STXBP5L: variants seen among roughly 807,000 people sequenced by gnomAD.
STXBP5L encodes the protein syntaxin binding protein 5L.
In STXBP5L, 65 loss-of-function variants were observed where a neutral mutation model predicts 144.5. The ratio of observed to expected loss-of-function variants is 0.45; its 90% CI spans 0.37 to 0.55. The LOEUF (loss-of-function observed/expected upper bound fraction) is 0.55, where lower values mean the gene tolerates loss of function less well. Among genes scored for constraint, STXBP5L ranks in the 20% least tolerant of loss-of-function variants. The probability of loss-of-function intolerance (pLI) is 0.00; values close to 1 mark genes in which losing one functional copy is unlikely to be tolerated. For synonymous variants in STXBP5L, 505 were observed against 469.6 expected, an observed-to-expected ratio of 1.08 and a Z score of -0.97; for missense variants, 1,298 against 1,405.5, an observed-to-expected ratio of 0.92 and a Z score of 1.22.
intron 9 of STXBP5L, among the ~76,000 whole-genome samples, chr3:121,177,250 A>G (rs1219613349): frequency 1.3e-5 from 2 of 152,128 alleles, no homozygotes; most frequent in African/African-American, 4.8e-5. Flanking sequence ...GATAGGCTTA[A>G]TTCACCTACT....
At chr3:121,174,243 T>G (rs2046844012) in intron 9 of STXBP5L, among the ~76,000 whole-genome samples, 1 of 152,178 alleles carries the variant, frequency 6.6e-6, no homozygotes, top group African/African-American at 2.4e-5. Context: ...TTTGTGTATA[T>G]AAGTTTTAAT....
At chr3:120,935,063 C>T (rs1710188947) in intron 2 of STXBP5L, among the ~76,000 whole-genome samples, 1 of 151,308 alleles carries the variant, frequency 6.6e-6, no homozygotes, top group Non-Finnish European at 1.5e-5. Flanking sequence ...TGGCTTTGTT[C>T]TTTCTGGTTT....
Position 121,353,044 on chromosome 3 carries a change from G to A in STXBP5L, c.2177-25672G>A, listed in dbSNP as rs187627094. ...CCAGGGAGGAAGCCAGCCTGATCGT[G>A]TTGGATAAGCTTTTTGATGTGGTGC... On this transcript the variant is annotated intron_variant, in intron 20 of 26. Transcript: ENST00000471454. 2.0e-5 allele frequency among the ~76,000 whole-genome samples: 3 copies of A among 152,282 alleles called. No homozygotes were observed. The East Asian group carries it at 5.8e-4, about 29-fold the overall frequency.
rs758565607 is a variant in STXBP5L at position 121,378,722 on chromosome 3, T to A, written c.2183T>A (p.Val728Glu). Reference protein sequence around the residue: ...ERCKSPTSDHVNGHCTSPTSQ... With the variant: ...ERCKSPTSDHENGHCTSPTSQ... ...CTTCCTCCTCTTGGCACAGACCATG[T>A]AAATGGACACTGCACAAGTCCAACT... Residue 728 changes from valine to glutamate, a missense_variant, in exon 21 of 27, where the codon GTA becomes GAA. Transcript: ENST00000471454. The A allele has an allele frequency of 3.8e-5, 62 of 1,613,328 alleles. No individual in the cohort carries two copies. The South Asian group carries it at 5.2e-4, about 13-fold the overall frequency.
intron 3 of STXBP5L, among the ~76,000 whole-genome samples, chr3:121,036,921 A>T (rs960000347): frequency 2.0e-5 from 3 of 151,702 alleles, no homozygotes; most frequent in Non-Finnish European, 4.4e-5. Context: ...TTCTTTAAAA[A>T]ATTTTAAAAA....
chr3:121,107,152 CAGAT>C (rs1318627317), intron 5 of STXBP5L, among the ~76,000 whole-genome samples: 1 of 151,428 alleles, frequency 6.6e-6, no homozygotes, highest in Non-Finnish European at 1.5e-5. Context: ...AGACCTTTGT[CAGAT>C]GGATAGATTG....
chr3:121,305,051 G>A (rs1257671038), intron 19 of STXBP5L, among the ~76,000 whole-genome samples: 1 of 151,964 alleles, frequency 6.6e-6, no homozygotes, highest in East Asian at 1.9e-4. Context: ...TCTATTCCCA[G>A]AAATTGACAA....
chr3:121,405,854 G>A (rs1300163980), intron 22 of STXBP5L, among the ~76,000 whole-genome samples: 1 of 152,074 alleles, frequency 6.6e-6, no homozygotes, highest in Non-Finnish European at 1.5e-5. Flanking sequence ...GGCAAGGGCA[G>A]CTTATTGAGA....
intron 3 of STXBP5L, among the ~76,000 whole-genome samples, chr3:121,000,349 G>C (rs1291090630): frequency 6.6e-6 from 1 of 151,526 alleles, no homozygotes; most frequent in African/African-American, 2.4e-5. Context: ...GAATAGATTT[G>C]AAGAGCCAGT....
chr3:121,395,921 A>T (rs2046718659), intron 22 of STXBP5L, among the ~76,000 whole-genome samples: 1 of 152,190 alleles, frequency 6.6e-6, no homozygotes, highest in Non-Finnish European at 1.5e-5. Context: ...GGTCCTCGGG[A>T]TCCTCCCAGA....
intron 3 of STXBP5L, among the ~76,000 whole-genome samples, chr3:120,972,732 G>A (rs1405087465): frequency 6.6e-6 from 1 of 151,984 alleles, no homozygotes; most frequent in Admixed American, 6.6e-5. Context: ...ATAATTTTGA[G>A]ATATGCTCCT....
At chr3:120,956,470 C>T (rs1295092850) in intron 3 of STXBP5L, among the ~76,000 whole-genome samples, 1 of 151,902 alleles carries the variant, frequency 6.6e-6, no homozygotes. Flanking sequence ...AGCATAATGT[C>T]CTCAACGTTT....
chr3:121,258,517 A>G (rs1251312429), intron 17 of STXBP5L, among the ~76,000 whole-genome samples: 1 of 152,210 alleles, frequency 6.6e-6, no homozygotes, highest in African/African-American at 2.4e-5. Context: ...AAGAGAAAAC[A>G]TCATCATAAA....
At chr3:121,361,774 T>C (rs2045719750) in intron 20 of STXBP5L, among the ~76,000 whole-genome samples, 1 of 152,142 alleles carries the variant, frequency 6.6e-6, no homozygotes, top group South Asian at 2.1e-4. Flanking sequence ...CATATCTCTC[T>C]TTCTCCAGGA....
chr3:121,105,400 A>G (rs952077786), intron 5 of STXBP5L, among the ~76,000 whole-genome samples: 1 of 151,748 alleles, frequency 6.6e-6, no homozygotes, highest in African/African-American at 2.4e-5. Context: ...GTCTCAAAAT[A>G]AATAAATAAA....
intron 3 of STXBP5L, among the ~76,000 whole-genome samples, chr3:121,010,267 A>G (rs188680218): frequency 2.6e-5 from 4 of 151,958 alleles, no homozygotes; most frequent in Admixed American, 2.6e-4. Flanking sequence ...TGAGGGAATC[A>G]CTACTACACA....
At chr3:121,210,800 T>G (rs1032389136) in intron 10 of STXBP5L, among the ~76,000 whole-genome samples, 1 of 152,228 alleles carries the variant, frequency 6.6e-6, no homozygotes, top group Non-Finnish European at 1.5e-5. Context: ...ATCTCTGTTT[T>G]GGTACTAGTA....
rs979167563 is a variant in STXBP5L, at chr3:121,063,391, G to A, written c.470+17856G>A. Among the ~76,000 whole-genome samples the A allele has an allele frequency of 3.1e-4, 47 of 152,150 alleles. 1 individual carries two copies. Among genetic ancestry groups the A allele is most frequent in the African/African-American group, 1.4e-4 (6 of 41,432 alleles). Reference sequence around the variant, plus strand: ...TAAGCTTCATCCCAAAGGGGCACCCGCCATATGTCAGCTGGAGCTCTCCTG... The same window carrying A: ...TAAGCTTCATCCCAAAGGGGCACCCACCATATGTCAGCTGGAGCTCTCCTG... On this transcript the variant is annotated intron_variant, in intron 5 of 26. Coordinates refer to ENST00000471454, the MANE Select transcript of STXBP5L (RefSeq NM_001308330.2).
intron 20 of STXBP5L, among the ~76,000 whole-genome samples, chr3:121,327,844 G>A (rs1407241672): frequency 6.6e-6 from 1 of 152,124 alleles, no homozygotes; most frequent in Non-Finnish European, 1.5e-5. Context: ...AAATCAAATT[G>A]TTATAATTCT....
Sources: allele counts gnomAD v4.1 joint callset (sites outside exome capture counted in the v4.1 genomes callset), GRCh38; gene constraint gnomAD v4.1.1; transcripts MANE v1.5; gene names NCBI Gene and HGNC (gene_info 2026-07-23, HGNC 2026-07-21).